The following ITIH5 variants were observed in gnomAD, a reference collection of about 807,000 sequenced individuals.
The protein encoded by ITIH5 is inter-alpha-trypsin inhibitor heavy chain H5.
In ITIH5, 65 loss-of-function variants were observed where a neutral mutation model predicts 77.5. The observed-to-expected ratio is 0.84, with a 90% CI of 0.69 to 1.03. ITIH5 has a LOEUF of 1.03. Among genes scored for constraint, ITIH5 ranks in the 50% least tolerant of loss-of-function variants. ITIH5 has a pLI of 0.00. For missense variants in ITIH5, 1,208 were observed against 1,213.1 expected, an observed-to-expected ratio of 1.00 and a Z score of 0.06; for synonymous variants, 525 against 494.3, an observed-to-expected ratio of 1.06 and a Z score of -0.82.
rs1489830451 is a variant in ITIH5, at chr10:7,655,692, A to T, written c.91-17T>A. On this transcript the variant is annotated splice_polypyrimidine_tract_variant and intron_variant, in intron 1 of 13. Coordinates refer to ENST00000397146, the MANE Select transcript of ITIH5 (RefSeq NM_030569.7). ...GAGTCCATCCTAGAAAAGAGAAGAGACTGTTAAAAAGGTGATTTTTAAAAG... is the reference window on the plus strand; with the variant it reads ...GAGTCCATCCTAGAAAAGAGAAGAGTCTGTTAAAAAGGTGATTTTTAAAAG... 1.2e-6 allele frequency: 2 copies of T among 1,601,822 alleles called. No individual in the cohort carries two copies. Among genetic ancestry groups the T allele is most frequent in the Admixed American group, 1.7e-5 (1 of 59,948 alleles).
In ITIH5 at chr10:7,574,897, C is replaced by T. The variant is rs187200212; in HGVS notation, c.1978+1556G>A. On this transcript the variant is annotated intron_variant, in intron 10 of 13. Coordinates refer to ENST00000397146, the MANE Select transcript of ITIH5 (RefSeq NM_030569.7). ...CCCCGAGTCTTGTATGGTCCAGATC[C>T]GATCTCTCCTGAAGCTGTGGAGATT... Among the ~76,000 whole-genome samples the T allele has an allele frequency of 4.0e-5, 6 of 151,826 alleles. No homozygotes were observed. In the East Asian group the frequency reaches 9.7e-4, roughly 25 times the overall value.
chr10:7,647,475 C>T (rs967582865), intron 2 of ITIH5, among the ~76,000 whole-genome samples: 2 of 152,210 alleles, frequency 1.3e-5, no homozygotes, highest in South Asian at 2.1e-4. Context: ...AGAAGAATCA[C>T]CCAGCTGAGC....
Position 7,566,294 on chromosome 10 carries a change from A to G in ITIH5, c.2263T>C (p.Tyr755His), listed in dbSNP as rs1484111563. 1.9e-6 allele frequency: 3 copies of G among 1,613,784 alleles called. No homozygotes were observed. The African/African-American group carries it at 4.0e-5, about 22-fold the overall frequency. Reference sequence around the variant, plus strand: ...ACTCTGCTCGGTGTGATCTCGAGATAAGATCTCTCTGGCTTGTTGATGAGG... The same window carrying G: ...ACTCTGCTCGGTGTGATCTCGAGATGAGATCTCTCTGGCTTGTTGATGAGG... ...TILINKPERSYLEITPSRVIL... is the reference protein window; with the variant it reads ...TILINKPERSHLEITPSRVIL... Residue 755 changes from tyrosine to histidine, a missense_variant, in exon 13 of 14, where the codon TAT (tyrosine) becomes CAT (histidine). Tyr to His is a moderately conservative substitution (Grantham distance 83, BLOSUM62 2). Transcript: ENST00000397146.
intron 2 of ITIH5, among the ~76,000 whole-genome samples, chr10:7,642,449 G>T (rs1195278493): frequency 2.0e-5 from 3 of 152,082 alleles, no homozygotes; most frequent in Non-Finnish European, 4.4e-5. Flanking sequence ...ATACTCTTCT[G>T]TTATCACTTT....
intron 7 of ITIH5, among the ~76,000 whole-genome samples, chr10:7,615,677 C>T (rs981083922): frequency 2.0e-5 from 3 of 152,184 alleles, no homozygotes; most frequent in African/African-American, 7.2e-5. Context: ...ATTACTCCAT[C>T]AATGATAGTG....
chr10:7,592,334 C>T (rs1400591260), intron 7 of ITIH5, among the ~76,000 whole-genome samples: 1 of 152,012 alleles, frequency 6.6e-6, no homozygotes, highest in Non-Finnish European at 1.5e-5. Context: ...CATCCCCTTG[C>T]CCTGCCCCAC....
chr10:7,649,653 A>T (rs1410608233), intron 2 of ITIH5, among the ~76,000 whole-genome samples: 1 of 152,196 alleles, frequency 6.6e-6, no homozygotes, highest in Non-Finnish European at 1.5e-5. Context: ...TGTAGTATTT[A>T]CATGTGGTGA....
intron 7 of ITIH5, among the ~76,000 whole-genome samples, chr10:7,607,338 G>C (rs1385565695): frequency 1.3e-5 from 2 of 152,208 alleles, no homozygotes; most frequent in Non-Finnish European, 2.9e-5. Context: ...CAGCAGAGTT[G>C]AGTGGTTACA....
chr10:7,577,635 TTGCTTTC>T (rs1832452081), intron 9 of ITIH5, among the ~76,000 whole-genome samples: 7 of 152,260 alleles, frequency 4.6e-5, no homozygotes, highest in Admixed American at 4.6e-4. Context: ...TTGCTTGCAT[TTGCTTTC>T]CTTGTAGTTA....
chr10:7,608,169 C>A (rs907626474), intron 7 of ITIH5, among the ~76,000 whole-genome samples: 1 of 152,216 alleles, frequency 6.6e-6, no homozygotes, highest in African/African-American at 2.4e-5. Flanking sequence ...GATTTCTCTC[C>A]CCTAACCAGA....
intron 4 of ITIH5, among the ~76,000 whole-genome samples, chr10:7,640,475 C>CAA (rs201317420): frequency 9.1e-4 from 71 of 77,894 alleles, no homozygotes; most frequent in Middle Eastern, 7.1e-3. Flanking sequence ...GACCTCATTC[C>CAA]AAAAAAAAAA....
rs1296981530 is a variant in ITIH5 at position 7,617,170 on chromosome 10, C to T, written c.765G>A (p.Leu255=). 1.2e-6 allele frequency: 2 copies of T among 1,605,476 alleles called. No homozygotes were observed. The highest frequency in any genetic ancestry group is 2.3e-5 in the East Asian group (1 of 44,374). The part of the protein sequence containing the change: ...QQARIAQNGI[L]GDFIIRYDVN... ...CGTCATATCTAATGATAAAGTCTCC[C>T]AAAATTCCATTCTGGGCAATCCTGG... The change falls in exon 6 of 14, where the codon TTG becomes TTA. Residue 255 remains leucine (L), a synonymous_variant. Coordinates refer to ENST00000397146, the MANE Select transcript of ITIH5 (RefSeq NM_030569.7).
chr10:7,569,871 G>C (rs748286202), intron 11 of ITIH5, 87 bp from the exon 12 acceptor site: 1 of 666,532 alleles, frequency 1.5e-6, no homozygotes, highest in Non-Finnish European at 2.3e-6. Context: ...ATTTTCTCAT[G>C]AATTATTTTA....
chr10:7,619,623 G>A (rs1004806329), intron 5 of ITIH5: 1 of 387,982 alleles, frequency 2.6e-6, no homozygotes, highest in South Asian at 2.0e-5. Context: ...TTACAATCAC[G>A]CAGAAGGCAA....
intron 2 of ITIH5, among the ~76,000 whole-genome samples, chr10:7,652,532 T>C (rs983228681): frequency 2.6e-5 from 4 of 152,174 alleles, no homozygotes; most frequent in Non-Finnish European, 5.9e-5. Flanking sequence ...GTAAAGTTCA[T>C]GTTAAAAATT....
intron 7 of ITIH5, among the ~76,000 whole-genome samples, chr10:7,598,109 G>A (rs1588387892): frequency 6.6e-6 from 1 of 152,228 alleles, no homozygotes; most frequent in South Asian, 2.1e-4. Flanking sequence ...ACACTTCAGG[G>A]GGTTATGAAA....
intron 11 of ITIH5, chr10:7,570,070 G>C (rs192320320): frequency 4.3e-5 from 10 of 233,980 alleles, no homozygotes; most frequent in Admixed American, 1.6e-4. Flanking sequence ...TAAGCTTTGA[G>C]AGGTGAGAGG....
chr10:7,631,380 G>T (rs918646350), intron 5 of ITIH5, among the ~76,000 whole-genome samples: 1 of 152,218 alleles, frequency 6.6e-6, no homozygotes, highest in Non-Finnish European at 1.5e-5. Flanking sequence ...TGGAGTTGGG[G>T]TTGGAGCAGG....
At chr10:7,587,678 C>T (rs543870603) in intron 7 of ITIH5, among the ~76,000 whole-genome samples, 2 of 152,320 alleles carry the variant, frequency 1.3e-5, no homozygotes, top group South Asian at 4.1e-4. Context: ...TGAGCAGGGC[C>T]AGCCACACAA....
Sources: allele counts gnomAD v4.1 joint callset (sites outside exome capture counted in the v4.1 genomes callset), GRCh38; gene constraint gnomAD v4.1.1; transcripts MANE v1.5; gene names NCBI Gene and HGNC (gene_info 2026-07-23, HGNC 2026-07-21).